NEO1: variants seen among roughly 807,000 people sequenced by gnomAD.
The protein encoded by NEO1 is neogenin 1.
Under a neutral mutation model 159.7 loss-of-function variants are expected in NEO1, and 63 were observed. The observed-to-expected ratio is 0.39, with a 90% CI of 0.32 to 0.49. NEO1 has a LOEUF of 0.49. Ranked by LOEUF, NEO1 falls within the 20% of genes least tolerant of loss-of-function variation. The probability of loss-of-function intolerance (pLI) is 0.85; values close to 1 mark genes in which losing one functional copy is unlikely to be tolerated. For synonymous variants in NEO1, 633 were observed against 662.0 expected (o/e 0.96, Z 0.67); for missense variants, 1,615 against 1,831.0 (o/e 0.88, Z 2.15).
At chr15:73,101,696 A>T (rs1413955407) in intron 1 of NEO1, among the ~76,000 whole-genome samples, 1 of 152,098 alleles carries the variant, frequency 6.6e-6, no homozygotes, top group Non-Finnish European at 1.5e-5. Context: ...GCATTGTCTC[A>T]TCGATTTTGT....
At chr15:73,282,660 T>G (rs972606799) in intron 22 of NEO1, among the ~76,000 whole-genome samples, 1 of 152,244 alleles carries the variant, frequency 6.6e-6, no homozygotes, top group African/African-American at 2.4e-5. Flanking sequence ...CCAAGACTCT[T>G]TATCTGTCTA....
At chr15:73,070,609 A>G (rs913057387) in intron 1 of NEO1, among the ~76,000 whole-genome samples, 8 of 152,210 alleles carry the variant, frequency 5.3e-5, no homozygotes, top group Non-Finnish European at 7.3e-5. Flanking sequence ...ATACATTCCA[A>G]GATCCTAGTA....
intron 26 of NEO1, among the ~76,000 whole-genome samples, chr15:73,295,157 C>CT (rs2042315535): frequency 1.0e-5 from 1 of 97,234 alleles, no homozygotes; most frequent in Non-Finnish European, 2.3e-5. Context: ...AAAATTTGGC[C>CT]TTTCTACTAT....
chr15:73,121,631 G>C (rs1163742357), intron 2 of NEO1, among the ~76,000 whole-genome samples: 2 of 152,096 alleles, frequency 1.3e-5, no homozygotes, highest in African/African-American at 4.8e-5. Flanking sequence ...ATTCATACGT[G>C]AATCAGTTAT....
intron 5 of NEO1, among the ~76,000 whole-genome samples, chr15:73,171,461 G>A (rs563579679): frequency 1.4e-4 from 21 of 151,850 alleles, no homozygotes; most frequent in East Asian, 5.8e-4. Context: ...CTACTTGAGC[G>A]GCTGAGGCAG....
At chr15:73,168,579 C>CTAGGG in intron 5 of NEO1, among the ~76,000 whole-genome samples, 1 of 151,646 alleles carries the variant, frequency 6.6e-6, no homozygotes, top group Non-Finnish European at 1.5e-5. Flanking sequence ...GACAATGAGA[C>CTAGGG]TAGGGGCAGG....
chr15:73,185,042 T>G (rs1381705358), intron 7 of NEO1, among the ~76,000 whole-genome samples: 2 of 152,170 alleles, frequency 1.3e-5, no homozygotes, highest in East Asian at 3.8e-4. Flanking sequence ...TTGAAAGGGC[T>G]AAAAACCGTG....
intron 7 of NEO1, among the ~76,000 whole-genome samples, chr15:73,190,721 TG>T (rs929703754): frequency 6.6e-6 from 1 of 152,050 alleles, no homozygotes; most frequent in Non-Finnish European, 1.5e-5. Context: ...TTTGCTTTTT[TG>T]TAACGGTAAT....
intron 1 of NEO1, among the ~76,000 whole-genome samples, chr15:73,107,232 A>G (rs1567207352): frequency 6.6e-6 from 1 of 152,228 alleles, no homozygotes; most frequent in Non-Finnish European, 1.5e-5. Flanking sequence ...TCTTTGTAAT[A>G]CAAATACATC....
At chr15:73,142,390 C>T (rs1286834701) in intron 5 of NEO1, among the ~76,000 whole-genome samples, 1 of 152,134 alleles carries the variant, frequency 6.6e-6, no homozygotes, top group Non-Finnish European at 1.5e-5. Context: ...CTACAAACAA[C>T]ACCTTTAATT....
At chr15:73,233,308 A>G (rs1443594821) in intron 7 of NEO1, among the ~76,000 whole-genome samples, 2 of 152,126 alleles carry the variant, frequency 1.3e-5, no homozygotes, top group Non-Finnish European at 2.9e-5. Context: ...CATTTTTTAT[A>G]CTTTTATTCC....
intron 13 of NEO1, among the ~76,000 whole-genome samples, chr15:73,256,691 C>G (rs1008444948): frequency 9.9e-5 from 15 of 152,144 alleles, no homozygotes; most frequent in African/African-American, 3.6e-4. Flanking sequence ...AGTCTTCCAG[C>G]TTCTTCACAA....
rs2041118411 is a variant in NEO1, at chr15:73,270,474, A to G, written c.2857+20A>G. The G allele has an allele frequency of 6.3e-7, 1 of 1,592,060 alleles. No individual in the cohort carries two copies. Among genetic ancestry groups the G allele is most frequent in the Non-Finnish European group, 8.5e-7 (1 of 1,170,138 alleles). ...AATTAGGTATGTGTTGTCAGAAGCC[A>G]TGTCACATGGCTGCTTTTACTTCCC... On this transcript the variant is annotated intron_variant, in intron 18 of 28. Coordinates refer to ENST00000261908, the MANE Select transcript of NEO1 (RefSeq NM_002499.4).
intron 3 of NEO1, 52 bp downstream of exon 3, chr15:73,122,852 A>G (rs1474310753): frequency 3.1e-6 from 5 of 1,590,180 alleles, no homozygotes; most frequent in Admixed American, 3.4e-5. Context: ...ATGGGTAAAC[A>G]TTGTTCTGTT....
intron 5 of NEO1, among the ~76,000 whole-genome samples, chr15:73,167,545 G>T (rs1040182340): frequency 3.9e-5 from 6 of 152,076 alleles, no homozygotes; most frequent in Non-Finnish European, 8.8e-5. Flanking sequence ...TTGAAAGTAG[G>T]TCTCAAAAAT....
At chr15:73,075,870 C>G (rs1335174114) in intron 1 of NEO1, among the ~76,000 whole-genome samples, 2 of 152,182 alleles carry the variant, frequency 1.3e-5, no homozygotes, top group African/African-American at 4.8e-5. Context: ...TCCTTCCTCT[C>G]TTTTCCAGAG....
At chr15:73,203,835 T>A (rs1266336012) in intron 7 of NEO1, among the ~76,000 whole-genome samples, 1 of 152,124 alleles carries the variant, frequency 6.6e-6, no homozygotes, top group Non-Finnish European at 1.5e-5. Flanking sequence ...GTTACTACTA[T>A]TGCTTTAAAC....
chr15:73,248,369 G>A (rs997887153), intron 9 of NEO1, among the ~76,000 whole-genome samples: 5 of 152,062 alleles, frequency 3.3e-5, no homozygotes, highest in Non-Finnish European at 5.9e-5. Flanking sequence ...ACATTAGAGG[G>A]TTCTTCACTA....
chr15:73,250,757 A>G (rs921792926), intron 11 of NEO1, among the ~76,000 whole-genome samples: 1 of 152,182 alleles, frequency 6.6e-6, no homozygotes, highest in South Asian at 2.1e-4. Context: ...AAGAGTAAAG[A>G]CACATGAAAT....
Sources: gnomAD v4.1 joint callset for allele counts (sites outside exome capture counted in the v4.1 genomes callset) on GRCh38, gnomAD v4.1.1 for gene constraint, MANE v1.5 for transcripts, NCBI Gene and HGNC (gene_info 2026-07-23, HGNC 2026-07-21) for gene names.